ADGRB3: variants seen among roughly 807,000 people sequenced by gnomAD.
ADGRB3 encodes the protein adhesion G protein-coupled receptor B3.
ADGRB3 carries 37 observed loss-of-function variants against 193.4 expected under a neutral mutation model. The observed-to-expected ratio is 0.19, with a 90% CI of 0.15 to 0.25. The LOEUF (loss-of-function observed/expected upper bound fraction) is 0.25, where lower values mean the gene tolerates loss of function less well. Among genes scored for constraint, ADGRB3 ranks in the 10% least tolerant of loss-of-function variants. The probability of loss-of-function intolerance (pLI) is 1.00; values close to 1 mark genes in which losing one functional copy is unlikely to be tolerated. For missense variants in ADGRB3, 1,637 were observed against 1,852.9 expected (o/e 0.88, Z 2.14); for synonymous variants, 690 against 644.2 (o/e 1.07, Z -1.08).
chr6:68,724,665 T>A (rs1230575417), intron 3 of ADGRB3, among the ~76,000 whole-genome samples: 6 of 54,776 alleles, frequency 1.1e-4, no homozygotes, highest in African/African-American at 2.9e-4. Context: ...AAACCCATAT[T>A]TTTTTTTTTT....
chr6:68,969,056 A>G (rs1768478662), intron 8 of ADGRB3, among the ~76,000 whole-genome samples: 1 of 152,074 alleles, frequency 6.6e-6, no homozygotes, highest in African/African-American at 2.4e-5. Context: ...TTCTTTAATG[A>G]AAGTGTTTTG....
intron 17 of ADGRB3, among the ~76,000 whole-genome samples, chr6:69,152,450 T>C (rs935878862): frequency 1.3e-5 from 2 of 152,132 alleles, no homozygotes; most frequent in African/African-American, 2.4e-5. Flanking sequence ...TAATCTGAAA[T>C]GTAGAAAGCA....
At chr6:68,721,220 C>G (rs964405989) in intron 3 of ADGRB3, among the ~76,000 whole-genome samples, 5 of 151,798 alleles carry the variant, frequency 3.3e-5, no homozygotes, top group Non-Finnish European at 7.4e-5. Flanking sequence ...AGACTTGGAA[C>G]CAACCCAAAT....
At chr6:68,795,145 C>G (rs1415549672) in intron 3 of ADGRB3, among the ~76,000 whole-genome samples, 1 of 151,828 alleles carries the variant, frequency 6.6e-6, no homozygotes, top group African/African-American at 2.4e-5. Context: ...ATCCATGTCC[C>G]CAGCAGTCCA....
At chr6:69,311,892 A>T (rs952788565) in intron 20 of ADGRB3, among the ~76,000 whole-genome samples, 1 of 151,842 alleles carries the variant, frequency 6.6e-6, no homozygotes, top group African/African-American at 2.4e-5. Flanking sequence ...CATTGTAAAA[A>T]ACTCATACCT....
intron 29 of ADGRB3, among the ~76,000 whole-genome samples, chr6:69,368,847 A>G (rs1769644032): frequency 6.6e-6 from 1 of 152,118 alleles, no homozygotes; most frequent in Non-Finnish European, 1.5e-5. Flanking sequence ...CAGCAAGAGG[A>G]ATTTTAATGG....
At chr6:69,200,311 T>C (rs1765392613) in intron 17 of ADGRB3, among the ~76,000 whole-genome samples, 1 of 152,106 alleles carries the variant, frequency 6.6e-6, no homozygotes. Context: ...GATATCATAT[T>C]CTTGACATTA....
chr6:68,779,763 G>C (rs1234539630), intron 3 of ADGRB3, among the ~76,000 whole-genome samples: 2 of 152,100 alleles, frequency 1.3e-5, no homozygotes, highest in African/African-American at 2.4e-5. Context: ...TCATGCTACA[G>C]ATGATGTGCT....
intron 20 of ADGRB3, among the ~76,000 whole-genome samples, chr6:69,296,879 A>G (rs1435976247): frequency 6.6e-6 from 1 of 152,056 alleles, no homozygotes; most frequent in African/African-American, 2.4e-5. Context: ...AGACTGATCC[A>G]TTTATGTATA....
chr6:68,843,404 C>G (rs1282109652), intron 3 of ADGRB3, among the ~76,000 whole-genome samples: 1 of 151,564 alleles, frequency 6.6e-6, no homozygotes, highest in African/African-American at 2.4e-5. Flanking sequence ...AAAAAGAAAC[C>G]AAACAGTAAT....
intron 11 of ADGRB3, 103 bp from the exon 12 acceptor site, chr6:69,013,935 C>A: frequency 1.6e-6 from 1 of 614,802 alleles, no homozygotes; most frequent in Non-Finnish European, 2.7e-6. Context: ...AGCAATATTG[C>A]AAAGTGCTTA....
intron 24 of ADGRB3, among the ~76,000 whole-genome samples, chr6:69,333,462 C>T (rs947269644): frequency 4.6e-5 from 7 of 152,006 alleles, no homozygotes; most frequent in Non-Finnish European, 1.0e-4. Flanking sequence ...GGAAAAAAAT[C>T]TTCACTTGGA....
chr6:68,781,588 A>G (rs1272333924), intron 3 of ADGRB3, among the ~76,000 whole-genome samples: 1 of 152,094 alleles, frequency 6.6e-6, no homozygotes, highest in Non-Finnish European at 1.5e-5. Flanking sequence ...CTGGGAAGAT[A>G]TATTCATACC....
chr6:69,065,916 T>TA (rs1371699911), intron 16 of ADGRB3, among the ~76,000 whole-genome samples: 1 of 151,932 alleles, frequency 6.6e-6, no homozygotes, highest in Non-Finnish European at 1.5e-5. Context: ...AATACAAATG[T>TA]AAAAATATAG....
chr6:69,286,599 G>A (rs149968658), intron 20 of ADGRB3, among the ~76,000 whole-genome samples: 9 of 152,216 alleles, frequency 5.9e-5, no homozygotes, highest in Non-Finnish European at 8.8e-5. Context: ...AAATGACTCC[G>A]GATCCAAGTA....
chr6:69,191,889 C>G (rs928832105), intron 17 of ADGRB3, among the ~76,000 whole-genome samples: 2 of 152,084 alleles, frequency 1.3e-5, no homozygotes, highest in African/African-American at 4.8e-5. Context: ...GGTGCAAGCA[C>G]TTCTGAAACA....
intron 8 of ADGRB3, among the ~76,000 whole-genome samples, chr6:68,973,138 AAAC>A (rs1406018504): frequency 7.2e-5 from 11 of 152,234 alleles, no homozygotes; most frequent in African/African-American, 9.6e-5. Flanking sequence ...GGACTATCTT[AAAC>A]AATTCAAGGT....
chr6:69,322,424 G>A (rs1455812032), intron 20 of ADGRB3, among the ~76,000 whole-genome samples: 14 of 151,830 alleles, frequency 9.2e-5, no homozygotes, highest in Admixed American at 7.9e-4. Context: ...CTGAGGAATC[G>A]CCACACTGTC....
At position 69,338,938 on chromosome 6, in the gene ADGRB3, G is replaced by A. The variant is rs74732221; in HGVS notation, c.3211G>A (p.Gly1071Ser). Residue 1071 changes from glycine (G) to serine (S), a missense_variant, in exon 25 of 32, where the codon GGT becomes AGT. This residue lies in a region of ADGRB3 where 56 missense variants were observed against 53.3 expected (regional missense o/e 1.05). Transcript: ENST00000370598. The stretch of plus-strand genomic sequence containing the variant: ...CAGTCAGATGAGTGAGCCTCATAGC[G>A]GTTTGACGCTCAAATGTGCCAAGTG... ...RAGQMSEPHS[G>S]LTLKCAKCGV... is the part of the protein sequence containing the mutation. 10 of 1,613,674 alleles carry A rather than the reference G, an allele frequency of 6.2e-6. No homozygotes were observed. The Admixed American group carries it at 6.7e-5, about 11-fold the overall frequency.
Sources: allele counts gnomAD v4.1 joint callset (sites outside exome capture counted in the v4.1 genomes callset), GRCh38; gene constraint gnomAD v4.1.1; regional missense constraint gnomAD v4.1.1; transcripts MANE v1.5; gene names NCBI Gene and HGNC (gene_info 2026-07-23, HGNC 2026-07-21).